The following GNAO1 variants were observed in gnomAD, a reference collection of about 807,000 sequenced individuals.
The protein encoded by GNAO1 is G protein subunit alpha o1, also known as guanine nucleotide-binding protein G(o) subunit alpha.
For synonymous variants in GNAO1, 164 were observed against 180.7 expected, an observed-to-expected ratio of 0.91 and a Z score of 0.74; for missense variants, 166 against 478.7, an observed-to-expected ratio of 0.35 and a Z score of 6.10.
intron 2 of GNAO1, among the ~76,000 whole-genome samples, chr16:56,222,917 A>C (rs1004383831): frequency 3.9e-5 from 6 of 152,226 alleles, no homozygotes; most frequent in African/African-American, 1.4e-4. Flanking sequence ...GCACCCTGCG[A>C]GATGAGCTTT....
intron 3 of GNAO1, 161 bp downstream of exon 3, chr16:56,276,233 C>T: frequency 1.8e-6 from 1 of 551,288 alleles, no homozygotes; most frequent in Non-Finnish European, 3.0e-6. Flanking sequence ...CCATTGCATC[C>T]ACCCCTCTGG....
Position 56,344,068 on chromosome 16 carries a change from C to T in GNAO1, c.723+7208C>T, listed in dbSNP as rs1429872217. ...CACTTGAGGAAGAAGACCTCAGAGG[C>T]TGGCACCAAGGGAGGGAGGAGGGAG... On this transcript the variant is annotated intron_variant, in intron 6 of 8. Coordinates refer to ENST00000262493, the MANE Select transcript of GNAO1 (RefSeq NM_020988.3). 8 of 1,498,818 alleles carry T rather than the reference C, an allele frequency of 5.3e-6. No individual in the cohort carries two copies. The Admixed American group carries it at 1.3e-4, about 24-fold the overall frequency. 92.8% of individuals were successfully genotyped at this position (1,498,818 alleles called of 1,614,324 possible).
At chr16:56,252,719 C>T (rs76106197) in intron 2 of GNAO1, among the ~76,000 whole-genome samples, 2,634 of 152,308 alleles carry the variant, frequency 0.017, 47 homozygotes, top group South Asian at 0.052. Flanking sequence ...ATCCACACCC[C>T]CACATCAGGA....
intron 3 of GNAO1, among the ~76,000 whole-genome samples, chr16:56,286,088 T>C (rs1041574649): frequency 6.6e-6 from 1 of 152,236 alleles, no homozygotes. Context: ...GCCAAGGTGG[T>C]ATCTGCCCCT....
At chr16:56,301,775 G>C (rs957456708) in intron 3 of GNAO1, 1 of 152,160 alleles carries the variant, frequency 6.6e-6, no homozygotes, top group African/African-American at 2.4e-5. Flanking sequence ...ATTCATAAGC[G>C]TAGTGGCCAT....
At chr16:56,237,026 T>G (rs1166555460) in intron 2 of GNAO1, among the ~76,000 whole-genome samples, 1 of 152,208 alleles carries the variant, frequency 6.6e-6, no homozygotes, top group Non-Finnish European at 1.5e-5. Context: ...TAATAGAACT[T>G]AGGTCATAAA....
intron 2 of GNAO1, among the ~76,000 whole-genome samples, chr16:56,262,978 A>G (rs189320014): frequency 3.3e-5 from 5 of 152,334 alleles, no homozygotes; most frequent in Admixed American, 3.3e-4. Context: ...ATTTTCCTGG[A>G]AATAAGCCTA....
At chr16:56,216,794 TG>T (rs1161908989) in intron 2 of GNAO1, among the ~76,000 whole-genome samples, 1 of 152,256 alleles carries the variant, frequency 6.6e-6, no homozygotes, top group African/African-American at 2.4e-5. Flanking sequence ...AGGTAGGCTC[TG>T]GAGGCAGACA....
intron 2 of GNAO1, among the ~76,000 whole-genome samples, chr16:56,195,308 C>T (rs1382009260): frequency 6.6e-6 from 1 of 152,204 alleles, no homozygotes; most frequent in African/African-American, 2.4e-5. Flanking sequence ...GCAGTTTTCC[C>T]TGTGAGCCTT....
chr16:56,347,813 T>C, intron 6 of GNAO1: 6 of 906,062 alleles, frequency 6.6e-6, no homozygotes, highest in Non-Finnish European at 6.3e-6. Flanking sequence ...ACACCTGCCC[T>C]GTTACTCCCA....
At chr16:56,230,615 C>A (rs2036581126) in intron 2 of GNAO1, among the ~76,000 whole-genome samples, 1 of 152,140 alleles carries the variant, frequency 6.6e-6, no homozygotes. Context: ...CACTGAGACT[C>A]AGCCCACAAG....
intron 3 of GNAO1, among the ~76,000 whole-genome samples, chr16:56,303,721 A>C (rs1164551546): frequency 6.6e-6 from 1 of 152,088 alleles, no homozygotes; most frequent in Non-Finnish European, 1.5e-5. Flanking sequence ...TGTGCTTGCT[A>C]TCATTGACCC....
At chr16:56,293,764 G>A (rs530599466) in intron 3 of GNAO1, among the ~76,000 whole-genome samples, 1 of 152,152 alleles carries the variant, frequency 6.6e-6, no homozygotes, top group African/African-American at 2.4e-5. Flanking sequence ...TGGGGAAAGC[G>A]ATGAATGAAT....
rs2143272046 is a variant in GNAO1, at chr16:56,192,579, G to A, written c.124G>A (p.Gly42Arg). 6.2e-7 allele frequency: 1 copy of A among 1,600,120 alleles called. No homozygotes were observed. Among genetic ancestry groups the A allele is most frequent in the Non-Finnish European group, 8.6e-7 (1 of 1,168,632 alleles). Residue 42 changes from glycine (G) to arginine (R), a missense_variant, in exon 2 of 9, where the codon GGA (glycine) becomes AGA (arginine). Transcript: ENST00000262493. ...CACTGTCTGTGTCCCAACAGGGGCT[G>A]GAGAATCAGGAAAAAGCACCATTGT... ...KDVKLLLLGA[G>R]ESGKSTIVKQ...
At chr16:56,353,841 G>A (rs541079666) in intron 7 of GNAO1, among the ~76,000 whole-genome samples, 1 of 152,316 alleles carries the variant, frequency 6.6e-6, no homozygotes, top group South Asian at 2.1e-4. Context: ...CCCAGAGCTG[G>A]TCTCAGCCAT....
intron 2 of GNAO1, among the ~76,000 whole-genome samples, chr16:56,234,360 C>T (rs922060422): frequency 6.6e-6 from 1 of 152,258 alleles, no homozygotes; most frequent in South Asian, 2.1e-4. Context: ...TGAGGGTACT[C>T]ATGGTTGGTG....
chr16:56,297,788 G>A (rs193271350), intron 3 of GNAO1, among the ~76,000 whole-genome samples: 36 of 152,228 alleles, frequency 2.4e-4, no homozygotes, highest in Admixed American at 5.9e-4. Context: ...CTAGGGAGGA[G>A]GGAGTTGTGA....
chr16:56,272,795 A>C (rs2037030029), intron 2 of GNAO1, among the ~76,000 whole-genome samples: 1 of 152,222 alleles, frequency 6.6e-6, no homozygotes. Flanking sequence ...ATAGGTGTGA[A>C]ATAGGTTGAA....
In GNAO1 at chr16:56,343,852, G is replaced by A. The variant is rs770465304; in HGVS notation, c.723+6992G>A. On this transcript the variant is annotated intron_variant, in intron 6 of 8. Transcript: ENST00000262493. The stretch of plus-strand genomic sequence containing the variant: ...AGCCCACAAAGAGATCTACACCCAC[G>A]TCACCTGCGCCACGGACACCAACAA... 3.7e-5 allele frequency: 60 copies of A among 1,613,822 alleles called. 1 individual carries two copies. Among genetic ancestry groups the A allele is most frequent in the South Asian group, 2.6e-4 (24 of 91,090 alleles).
Sources: gnomAD v4.1 joint callset for allele counts (sites outside exome capture counted in the v4.1 genomes callset) on GRCh38, gnomAD v4.1.1 for gene constraint, MANE v1.5 for transcripts, NCBI Gene and HGNC (gene_info 2026-07-23, HGNC 2026-07-21) for gene names.